The following OPHN1 variants were observed in gnomAD, a reference collection of about 807,000 sequenced individuals.
The protein encoded by OPHN1 is oligophrenin 1.
Under a neutral mutation model 60.7 loss-of-function variants are expected in OPHN1, and 11 were observed. The observed-to-expected ratio is 0.18, with a 90% CI of 0.11 to 0.30. OPHN1 has a LOEUF of 0.30. OPHN1 is among the 10% of genes least tolerant of loss of function. The pLI, the probability that OPHN1 is intolerant of heterozygous loss-of-function variation, is 1.00. For synonymous variants in OPHN1, 226 were observed against 222.6 expected, an observed-to-expected ratio of 1.02 and a Z score of -0.14; for missense variants, 449 against 611.0, an observed-to-expected ratio of 0.73 and a Z score of 2.80.
chrX:68,217,018 G>A (rs776866095), intron 6 of OPHN1, among the ~76,000 whole-genome samples: 22 of 111,662 alleles, frequency 2.0e-4, no homozygotes, highest in East Asian at 8.6e-4. Context: ...CTGACATACC[G>A]GGTTCATCTC....
intron 15 of OPHN1, among the ~76,000 whole-genome samples, chrX:68,130,464 G>A (rs748936797): frequency 2.7e-5 from 3 of 111,457 alleles, no homozygotes; most frequent in Non-Finnish European, 5.7e-5. Flanking sequence ...GCACAAATAC[G>A]TCATCACATA....
Position 68,258,401 on chromosome X carries a change from C to T in OPHN1, c.384+16337G>A, listed in dbSNP as rs1462265810. ...TCTCCTAATGCTACCCCTCCCCCCT[C>T]CCCCCTCCTCCAACCCCCCACCCCA... On this transcript the variant is annotated intron_variant, in intron 5 of 24. Transcript: ENST00000355520. Among the ~76,000 whole-genome samples the T allele has an allele frequency of 3.6e-4, 17 of 47,246 alleles. 2 individuals carry two copies. Among genetic ancestry groups the T allele is most frequent in the African/African-American group, 2.8e-3 (15 of 5,345 alleles). 41.0% of individuals were successfully genotyped at this position (47,246 alleles called of 115,157 possible). A position where few individuals can be genotyped will look rare whatever the true frequency, so the allele number is the denominator to read the frequency against.
At chrX:68,236,515 C>T (rs1288550965) in intron 5 of OPHN1, among the ~76,000 whole-genome samples, 1 of 111,832 alleles carries the variant, frequency 8.9e-6, no homozygotes, top group East Asian at 2.8e-4. Context: ...TTTTCATCAC[C>T]CCAAAAAGAA....
intron 20 of OPHN1, among the ~76,000 whole-genome samples, chrX:68,068,470 C>CAAAAA (rs61188762): frequency 2.5e-5 from 1 of 39,783 alleles, no homozygotes; most frequent in Non-Finnish European, 4.1e-5. Flanking sequence ...GACTCCATCT[C>CAAAAA]AAAAAAAAAA....
Position 68,064,022 on chromosome X carries a change from G to A in OPHN1, c.1990C>T (p.Pro664Ser), listed in dbSNP as rs1457276416. 8.3e-7 allele frequency: 1 copy of A among 1,207,607 alleles called. No individual in the cohort carries two copies. Among genetic ancestry groups the A allele is most frequent in the East Asian group, 3.0e-5 (1 of 33,670 alleles). Reference protein sequence around the residue: ...SRPILDGKLEPCPEVDVGKLV... With the variant: ...SRPILDGKLESCPEVDVGKLV... ...TTCCCCACGTCCACCTCTGGGCAGG[G>A]CTCCAACTTGCCATCCAAAATAGGC... The change falls in exon 21 of 25, where the codon CCC becomes TCC. Residue 664 changes from proline (P) to serine (S), a missense_variant. By Grantham distance (74) the Pro-to-Ser change is moderately conservative. Coordinates refer to ENST00000355520, the MANE Select transcript of OPHN1 (RefSeq NM_002547.3).
chrX:68,108,693 G>GAGTC (rs776252284), intron 18 of OPHN1, among the ~76,000 whole-genome samples: 98 of 111,741 alleles, frequency 8.8e-4, no homozygotes, highest in African/African-American at 2.8e-3. Flanking sequence ...CATTAAGGAT[G>GAGTC]AGTCAGAGGA....
At chrX:68,145,925 A>C (rs533686797) in intron 15 of OPHN1, among the ~76,000 whole-genome samples, 2 of 111,626 alleles carry the variant, frequency 1.8e-5, no homozygotes, top group African/African-American at 6.5e-5. Flanking sequence ...ACTGGAACAC[A>C]CCATTTTCAT....
intron 2 of OPHN1, among the ~76,000 whole-genome samples, chrX:68,368,256 T>C (rs2078509382): frequency 9.0e-6 from 1 of 111,360 alleles, no homozygotes; most frequent in African/African-American, 3.3e-5. Context: ...GCTGGCCAGG[T>C]ATGGTGGCTC....
At chrX:68,071,739 T>C (rs1459696745) in intron 20 of OPHN1, 3 of 480,599 alleles carry the variant, frequency 6.2e-6, no homozygotes, top group Non-Finnish European at 1.1e-5. Flanking sequence ...GTCTGGTTTG[T>C]CCAATGTCAG....
intron 19 of OPHN1, among the ~76,000 whole-genome samples, chrX:68,085,863 A>G (rs2076993074): frequency 8.9e-6 from 1 of 111,915 alleles, no homozygotes. Context: ...TGAGAATGGA[A>G]TAACAACCTA....
intron 16 of OPHN1, among the ~76,000 whole-genome samples, chrX:68,118,678 TATTC>T (rs754858234): frequency 5.3e-5 from 6 of 112,185 alleles, no homozygotes; most frequent in Admixed American, 4.7e-4. Context: ...CTGAACAATA[TATTC>T]ATTAATATTG....
At chrX:68,302,784 T>C (rs964857282) in intron 2 of OPHN1, among the ~76,000 whole-genome samples, 2 of 109,428 alleles carry the variant, frequency 1.8e-5, no homozygotes, top group Non-Finnish European at 3.8e-5. Context: ...ATTAGCTATG[T>C]GTGGTGGTGC....
intron 3 of OPHN1, among the ~76,000 whole-genome samples, chrX:68,285,844 C>A (rs2078038666): frequency 9.0e-6 from 1 of 110,718 alleles, no homozygotes; most frequent in Non-Finnish European, 1.9e-5. Flanking sequence ...ACTGCAACTT[C>A]CAACTGCAAG....
intron 6 of OPHN1, among the ~76,000 whole-genome samples, chrX:68,226,392 A>G (rs1208460671): frequency 9.0e-6 from 1 of 111,121 alleles, no homozygotes; most frequent in East Asian, 2.8e-4. Flanking sequence ...CCACAAAGAT[A>G]CTGCTTGAGA....
chrX:68,043,380 GAAAAAAA>G lies in OPHN1; in HGVS notation c.*3785_*3791del, dbSNP rs760589218. On this transcript the variant is annotated 3_prime_UTR_variant, in exon 25 of 25. Coordinates refer to ENST00000355520, the MANE Select transcript of OPHN1 (RefSeq NM_002547.3). ...AAAACTTAGAGTATAATAAAAAAAA[GAAAAAAA>G]AAAGAAAAAAAAAGGTATCTTGATT... 1.1e-4 allele frequency: 8 copies of G among 75,447 alleles called. No homozygotes were observed. Among genetic ancestry groups the G allele is most frequent in the Admixed American group, 6.1e-4 (4 of 6,537 alleles). The allele number at this position is 75,447 out of a possible 1,213,427, so 6.2% of individuals were successfully genotyped here. A position where few individuals can be genotyped will look rare whatever the true frequency, so the allele number is the denominator to read the frequency against.
chrX:68,099,694 C>A (rs756601545), intron 18 of OPHN1, among the ~76,000 whole-genome samples: 1 of 112,545 alleles, frequency 8.9e-6, no homozygotes, highest in African/African-American at 3.2e-5. Flanking sequence ...TCAACCCCAA[C>A]TGATTGCTGC....
At chrX:68,261,615 G>A (rs1256170856) in intron 5 of OPHN1, among the ~76,000 whole-genome samples, 1 of 111,582 alleles carries the variant, frequency 9.0e-6, no homozygotes, top group Non-Finnish European at 1.9e-5. Flanking sequence ...TGAGAGGTGG[G>A]AGGGATAGGA....
At chrX:68,282,242 T>C (rs1014379117) in intron 4 of OPHN1, among the ~76,000 whole-genome samples, 3 of 110,937 alleles carry the variant, frequency 2.7e-5, no homozygotes, top group Non-Finnish European at 5.6e-5. Flanking sequence ...ATGATAAAAA[T>C]AAATGACAGG....
At chrX:68,378,572 T>C (rs1448829751) in intron 2 of OPHN1, among the ~76,000 whole-genome samples, 6 of 111,933 alleles carry the variant, frequency 5.4e-5, no homozygotes, top group Admixed American at 9.6e-5. Context: ...TTAGGTCTAA[T>C]GTTTAAGTCT....
Sources: gnomAD v4.1 joint callset for allele counts (sites outside exome capture counted in the v4.1 genomes callset) on GRCh38, gnomAD v4.1.1 for gene constraint, MANE v1.5 for transcripts, NCBI Gene and HGNC (gene_info 2026-07-23, HGNC 2026-07-21) for gene names.